RALGPS2: variants seen among roughly 807,000 people sequenced by gnomAD.
RALGPS2 encodes Ral GEF with PH domain and SH3 binding motif 2.
Under a neutral mutation model 86.8 loss-of-function variants are expected in RALGPS2, and 43 were observed. The observed-to-expected ratio is 0.50, with a 90% CI of 0.39 to 0.64. RALGPS2 has a LOEUF of 0.64. Ranked by LOEUF, RALGPS2 falls within the 30% of genes least tolerant of loss-of-function variation. The pLI, the probability that RALGPS2 is intolerant of heterozygous loss-of-function variation, is 0.00. For missense variants in RALGPS2, 536 were observed against 694.6 expected (o/e 0.77, Z 2.57); for synonymous variants, 243 against 231.3 (o/e 1.05, Z -0.46).
At chr1:178,730,245 T>A (rs1415963446) in intron 1 of RALGPS2, among the ~76,000 whole-genome samples, 1 of 152,126 alleles carries the variant, frequency 6.6e-6, no homozygotes, top group Non-Finnish European at 1.5e-5. Context: ...CCTGGCCCTG[T>A]TTTTCAGTTT....
At position 178,919,992 on chromosome 1, in the gene RALGPS2, G is replaced by A. The variant is rs1572485575; in HGVS notation, c.*3633G>A. ...TGCATGAATAGATGATACAAAGCAA[G>A]TGATGAGGTTGGTATGACTTCTTTA... On this transcript the variant is annotated 3_prime_UTR_variant, in exon 20 of 20. Coordinates refer to ENST00000367635, the MANE Select transcript of RALGPS2 (RefSeq NM_152663.5). The A allele has an allele frequency of 1.3e-5, 2 of 152,060 alleles. No homozygotes were observed. Among genetic ancestry groups the A allele is most frequent in the African/African-American group, 4.8e-5 (2 of 41,440 alleles). The allele number at this position is 152,060 out of a possible 1,614,324, so 9.4% of individuals were successfully genotyped here. A position where few individuals can be genotyped will look rare whatever the true frequency, so the allele number is the denominator to read the frequency against.
At chr1:178,824,617 GCTAAA>G (rs1655664458) in intron 7 of RALGPS2, among the ~76,000 whole-genome samples, 1 of 152,062 alleles carries the variant, frequency 6.6e-6, no homozygotes. Flanking sequence ...GACCATCCTG[GCTAAA>G]ACGGTGAAAC....
chr1:178,800,956 T>G (rs1654440948), intron 4 of RALGPS2, among the ~76,000 whole-genome samples: 1 of 151,384 alleles, frequency 6.6e-6, no homozygotes, highest in East Asian at 1.9e-4. Flanking sequence ...GACAGAAGTC[T>G]CGCTCTGTTG....
intron 1 of RALGPS2, among the ~76,000 whole-genome samples, chr1:178,735,431 CTTTT>C (rs565080292): frequency 3.7e-5 from 5 of 134,434 alleles, no homozygotes; most frequent in Non-Finnish European, 6.4e-5. Flanking sequence ...TTTTTCTTTT[CTTTT>C]TTTTTTTTTT....
At chr1:178,856,420 T>TTTTTTTTGTTTTTG (rs1558152822) in intron 8 of RALGPS2, among the ~76,000 whole-genome samples, 1 of 120,566 alleles carries the variant, frequency 8.3e-6, no homozygotes, top group African/African-American at 3.5e-5. Context: ...TTTTTTTTTT[T>TTTTTTTTGTTTTTG]TTTTTTGAGA....
At chr1:178,748,147 C>T (rs548634934) in intron 1 of RALGPS2, among the ~76,000 whole-genome samples, 1 of 152,006 alleles carries the variant, frequency 6.6e-6, no homozygotes, top group Admixed American at 6.5e-5. Flanking sequence ...TGGTGAAACC[C>T]TGTCTCTGCT....
intron 3 of RALGPS2, among the ~76,000 whole-genome samples, 169 bp downstream of exon 3, chr1:178,784,691 A>G (rs1486928009): frequency 1.3e-5 from 2 of 152,094 alleles, no homozygotes; most frequent in African/African-American, 2.4e-5. Flanking sequence ...TGAAGTGGGA[A>G]AAGTAAGAAA....
intron 6 of RALGPS2, among the ~76,000 whole-genome samples, chr1:178,817,617 G>A (rs777109134): frequency 2.0e-5 from 3 of 151,610 alleles, no homozygotes; most frequent in Non-Finnish European, 2.9e-5. Context: ...TTTTATATCT[G>A]TGGAAATTTT....
intron 18 of RALGPS2, 137 bp downstream of exon 18, chr1:178,902,348 G>A (rs1660213109): frequency 7.0e-6 from 4 of 573,370 alleles, no homozygotes; most frequent in Admixed American, 3.0e-5. Flanking sequence ...CCAAAACCTA[G>A]TTTCACTGGA....
At chr1:178,729,953 A>T (rs1469080715) in intron 1 of RALGPS2, among the ~76,000 whole-genome samples, 1 of 151,896 alleles carries the variant, frequency 6.6e-6, no homozygotes, top group Non-Finnish European at 1.5e-5. Flanking sequence ...TTATTTATTT[A>T]TTTTTTGAGA....
In RALGPS2 at chr1:178,864,923, C is replaced by T. The variant is rs139129469; in HGVS notation, c.608-12575C>T. ...AAGGCATAAAAATATAAACCTCATA[C>T]TCCCACTTTTTACAGTAAGAGGTAA... On this transcript the variant is annotated intron_variant, in intron 8 of 19. Coordinates refer to ENST00000367635, the MANE Select transcript of RALGPS2 (RefSeq NM_152663.5). 2.3e-4 allele frequency: 322 copies of T among 1,376,504 alleles called. No homozygotes were observed. In the African/African-American group the frequency reaches 4.2e-3, roughly 18 times the overall value. 85.3% of individuals were successfully genotyped at this position (1,376,504 alleles called of 1,614,324 possible). A position where few individuals can be genotyped will look rare whatever the true frequency, so the allele number is the denominator to read the frequency against.
At chr1:178,775,920 CAAAA>C (rs535964125) in intron 1 of RALGPS2, among the ~76,000 whole-genome samples, 14 of 86,626 alleles carry the variant, frequency 1.6e-4, no homozygotes, top group African/African-American at 2.1e-4. Flanking sequence ...ATACTTGGGG[CAAAA>C]AAAAAAAAAA....
chr1:178,775,557 A>G (rs1572318586), intron 1 of RALGPS2, among the ~76,000 whole-genome samples: 1 of 152,168 alleles, frequency 6.6e-6, no homozygotes. Context: ...CTCAGTTTAT[A>G]TGACAGGTTA....
chr1:178,895,478 A>C (rs896507821), intron 16 of RALGPS2, among the ~76,000 whole-genome samples: 1 of 152,098 alleles, frequency 6.6e-6, no homozygotes, highest in Admixed American at 6.6e-5. Context: ...GCTTTAAAAT[A>C]ATGTCATAGG....
intron 4 of RALGPS2, among the ~76,000 whole-genome samples, chr1:178,804,366 T>C (rs1268490269): frequency 1.4e-5 from 2 of 144,604 alleles, no homozygotes; most frequent in African/African-American, 2.6e-5. Context: ...CATGCTGGTG[T>C]GCTGCACCCA....
At chr1:178,754,912 G>A (rs1440813462) in intron 1 of RALGPS2, among the ~76,000 whole-genome samples, 2 of 152,294 alleles carry the variant, frequency 1.3e-5, no homozygotes, top group African/African-American at 4.8e-5. Context: ...TGATTATCCT[G>A]CCTCAGCCTC....
chr1:178,910,614 A>C (rs900971165), intron 19 of RALGPS2, among the ~76,000 whole-genome samples: 1 of 152,188 alleles, frequency 6.6e-6, no homozygotes, highest in African/African-American at 2.4e-5. Flanking sequence ...AATAAAGTCT[A>C]CTTGATTGTG....
intron 7 of RALGPS2, among the ~76,000 whole-genome samples, chr1:178,824,256 C>G (rs1655642478): frequency 5.9e-5 from 9 of 151,972 alleles, no homozygotes; most frequent in Admixed American, 5.9e-4. Flanking sequence ...ATAGAGAATG[C>G]TTTTGAGGAA....
intron 1 of RALGPS2, among the ~76,000 whole-genome samples, chr1:178,745,771 T>C (rs746775816): frequency 1.3e-4 from 20 of 151,612 alleles, no homozygotes; most frequent in Non-Finnish European, 2.4e-4. Flanking sequence ...ATTGATAAAA[T>C]GATTTTTTAT....
Sources: gnomAD v4.1 joint callset for allele counts (sites outside exome capture counted in the v4.1 genomes callset) on GRCh38, gnomAD v4.1.1 for gene constraint, MANE v1.5 for transcripts, NCBI Gene and HGNC (gene_info 2026-07-23, HGNC 2026-07-21) for gene names.